Variants in LRRIQ1 observed in about 807,000 individuals in gnomAD.
LRRIQ1 encodes leucine-rich repeat- and IQ domain-containing protein 1.
Under a neutral mutation model 211.9 loss-of-function variants are expected in LRRIQ1, and 210 were observed. The observed-to-expected ratio is 0.99, with a 90% CI of 0.89 to 1.11. The LOEUF is 1.11. Among genes scored for constraint, LRRIQ1 ranks in the 50% most tolerant of loss-of-function variants. The pLI, the probability that LRRIQ1 is intolerant of heterozygous loss-of-function variation, is 0.00. For synonymous variants in LRRIQ1, 699 were observed against 650.1 expected, an observed-to-expected ratio of 1.08 and a Z score of -1.14; for missense variants, 2,136 against 1,939.5, an observed-to-expected ratio of 1.10 and a Z score of -1.90.
intron 26 of LRRIQ1, among the ~76,000 whole-genome samples, chr12:85,234,483 A>C (rs1312813947): frequency 6.6e-6 from 1 of 152,246 alleles, no homozygotes; most frequent in Non-Finnish European, 1.5e-5. Flanking sequence ...TAGAATAGAA[A>C]TATCCAGATG....
chr12:85,066,422 A>G (rs985269660), intron 9 of LRRIQ1, among the ~76,000 whole-genome samples: 19 of 152,004 alleles, frequency 1.2e-4, no homozygotes, highest in Admixed American at 1.1e-3. Flanking sequence ...ATTAACAACA[A>G]TAGCCGTTCT....
chr12:85,123,413 G>T (rs1323983273), intron 16 of LRRIQ1, among the ~76,000 whole-genome samples: 9 of 151,958 alleles, frequency 5.9e-5, no homozygotes, highest in Admixed American at 5.9e-4. Flanking sequence ...ATGTAGCCAA[G>T]AATAAGGCTC....
At chr12:85,198,005 A>T (rs1298146948) in intron 24 of LRRIQ1, among the ~76,000 whole-genome samples, 14 of 60,096 alleles carry the variant, frequency 2.3e-4, no homozygotes, top group African/African-American at 7.7e-4. Flanking sequence ...TATATAACAT[A>T]TATAATATAT....
rs146349859 is a variant in LRRIQ1 at position 85,098,132 on chromosome 12, G to A, written c.2888-223G>A. On this transcript the variant is annotated intron_variant, in intron 11 of 26. Coordinates refer to ENST00000393217, the MANE Select transcript of LRRIQ1 (RefSeq NM_001079910.2). ...TTAGTACTTTGTGCAATTTTTAATTGATAGATAATTATGTCATTCAAAAAT... is the reference window on the plus strand; with the variant it reads ...TTAGTACTTTGTGCAATTTTTAATTAATAGATAATTATGTCATTCAAAAAT... Among the ~76,000 whole-genome samples, 62 of 152,086 alleles carry A rather than the reference G, an allele frequency of 4.1e-4. 1 individual carries two copies. Among genetic ancestry groups the A allele is most frequent in the African/African-American group, 1.4e-3 (56 of 41,480 alleles).
At chr12:85,242,738 C>A (rs990560249) in intron 26 of LRRIQ1, among the ~76,000 whole-genome samples, 4 of 151,774 alleles carry the variant, frequency 2.6e-5, no homozygotes, top group Non-Finnish European at 5.9e-5. Context: ...TTTAACTAGC[C>A]CATTTATGAA....
rs749795451 is a variant in LRRIQ1, at chr12:85,056,447, A to C, written c.1654A>C (p.Lys552Gln). ...KHVINENTGQKTQIILGHNQE... is the reference protein window; with the variant it reads ...KHVINENTGQQTQIILGHNQE... Reference sequence around the variant, plus strand: ...TGTCATAAATGAGAATACAGGACAAAAAACCCAGATAATATTAGGACATAA... The same window carrying C: ...TGTCATAAATGAGAATACAGGACAACAAACCCAGATAATATTAGGACATAA... Residue 552 changes from lysine (K) to glutamine (Q), a missense_variant, in exon 8 of 27, where the codon AAA (lysine) becomes CAA (glutamine). Transcript: ENST00000393217. 7.5e-6 allele frequency: 12 copies of C among 1,601,040 alleles called. No individual in the cohort carries two copies. The highest frequency in any genetic ancestry group is 7.0e-5 in the Admixed American group (4 of 57,132).
intron 15 of LRRIQ1, 130 bp from the exon 16 acceptor site, chr12:85,121,567 T>A: frequency 1.6e-6 from 1 of 621,842 alleles, no homozygotes; most frequent in Non-Finnish European, 2.3e-6. Flanking sequence ...TCTATCATTT[T>A]CCCTACAGTC....
intron 4 of LRRIQ1, 66 bp downstream of exon 4, chr12:85,044,875 G>A: frequency 1.6e-6 from 1 of 636,112 alleles, no homozygotes; most frequent in Non-Finnish European, 2.7e-6. Flanking sequence ...TCTTACACAA[G>A]ATTGATACTT....
Position 85,055,955 on chromosome 12 carries a change from G to A in LRRIQ1, c.1162G>A (p.Glu388Lys), listed in dbSNP as rs1237730753. Residue 388 changes from glutamate to lysine, a missense_variant, in exon 8 of 27, where the codon GAA becomes AAA. Transcript: ENST00000393217. ...AAGCAAGGAAAAAATAATATTAAGA[G>A]AAGATGCAAGCCAACAGCTAATAAT... is the stretch of plus-strand genomic sequence containing the variant. ...LISKEKIILREDASQQLIISS... is the reference protein window; with the variant it reads ...LISKEKIILRKDASQQLIISS... 1.5e-5 allele frequency: 24 copies of A among 1,608,368 alleles called. No homozygotes were observed. The highest frequency in any genetic ancestry group is 2.2e-5 in the East Asian group (1 of 44,678).
chr12:85,134,458 T>G (rs1371851495), intron 18 of LRRIQ1, among the ~76,000 whole-genome samples: 2 of 152,094 alleles, frequency 1.3e-5, no homozygotes, highest in South Asian at 4.1e-4. Context: ...CTTAGAGATT[T>G]TTTTGTCTGT....
chr12:85,203,771 GC>G (rs1194015687), intron 24 of LRRIQ1, among the ~76,000 whole-genome samples: 1 of 152,134 alleles, frequency 6.6e-6, no homozygotes, highest in African/African-American at 2.4e-5. Flanking sequence ...TGACTCGGGT[GC>G]TGTAAAAGGC....
intron 13 of LRRIQ1, among the ~76,000 whole-genome samples, chr12:85,100,147 C>T (rs1592795454): frequency 2.0e-5 from 3 of 151,598 alleles, no homozygotes; most frequent in South Asian, 2.1e-4. Context: ...AGATACCTAA[C>T]GTATTTTATA....
Position 85,217,472 on chromosome 12 carries a change from ATATATATATATATATATATG to A in LRRIQ1, c.4823-12027_4823-12008del, listed in dbSNP as rs1445747740. 3.2e-4 allele frequency among the ~76,000 whole-genome samples: 25 copies of A among 78,896 alleles called. No individual in the cohort carries two copies. In the East Asian group the frequency reaches 4.4e-3, roughly 14 times the overall value. The allele number at this position is 78,896 out of a possible 152,430, so 51.8% of individuals were successfully genotyped here. On this transcript the variant is annotated intron_variant, in intron 24 of 26. Transcript: ENST00000393217. ...GATAGAGCAGGGACCTGAAGTATAT[ATATATATATATATATATATG>A]TATATATATATATATATGTGTGTGT...
intron 24 of LRRIQ1, among the ~76,000 whole-genome samples, chr12:85,166,413 A>C (rs1456673844): frequency 6.6e-6 from 1 of 152,242 alleles, no homozygotes; most frequent in Non-Finnish European, 1.5e-5. Context: ...CAGATAACTC[A>C]TGGTTTTATA....
At chr12:85,106,377 CT>C in intron 14 of LRRIQ1, 144 bp from the exon 15 acceptor site, 3 of 599,952 alleles carry the variant, frequency 5.0e-6, no homozygotes, top group Non-Finnish European at 8.7e-6. Context: ...ACACAGTCTT[CT>C]TTAAAAAGCA....
At chr12:85,215,577 CT>C (rs1180775932) in intron 24 of LRRIQ1, among the ~76,000 whole-genome samples, 1 of 152,224 alleles carries the variant, frequency 6.6e-6, no homozygotes, top group African/African-American at 2.4e-5. Flanking sequence ...TTAGCCCCTA[CT>C]TATAAGTGAG....
chr12:85,044,329 A>G (rs1879267301), intron 3 of LRRIQ1, among the ~76,000 whole-genome samples: 1 of 152,022 alleles, frequency 6.6e-6, no homozygotes, highest in Non-Finnish European at 1.5e-5. Flanking sequence ...TAATATTTTT[A>G]TTAAAATGTT....
intron 11 of LRRIQ1, among the ~76,000 whole-genome samples, chr12:85,093,576 A>G (rs1045992373): frequency 6.6e-6 from 1 of 152,152 alleles, no homozygotes; most frequent in Admixed American, 6.6e-5. Flanking sequence ...CCAAAGATTT[A>G]TTTTAGAAAA....
chr12:85,124,325 C>A lies in LRRIQ1; in HGVS notation c.3813C>A (p.Val1271=), dbSNP rs150371466. 44 of 1,613,934 alleles carry A rather than the reference C, an allele frequency of 2.7e-5. No homozygotes were observed. The African/African-American group carries it at 5.9e-4, about 22-fold the overall frequency. ...TTCCTGAGAAATGGATGGACTCTGT[C>A]TCCAGCCACTCCCCATTAAGCAAAT... ...PDIPEKWMDS[V]SSHSPLSKSA... The change falls in exon 17 of 27, where the codon GTC becomes GTA. Residue 1271 remains valine (V), a synonymous_variant. Transcript: ENST00000393217.
Sources: allele counts gnomAD v4.1 joint callset (sites outside exome capture counted in the v4.1 genomes callset), GRCh38; gene constraint gnomAD v4.1.1; transcripts MANE v1.5; gene names NCBI Gene and HGNC (gene_info 2026-07-23, HGNC 2026-07-21).